Variants in ATP10B observed in about 807,000 individuals in gnomAD.
The protein encoded by ATP10B is ATPase phospholipid transporting 10B (putative).
Under a neutral mutation model 141.2 loss-of-function variants are expected in ATP10B, and 122 were observed. The ratio of observed to expected loss-of-function variants is 0.86; its 90% CI spans 0.75 to 1.00. The LOEUF is 1.00. Ranked by LOEUF, ATP10B falls within the 50% of genes least tolerant of loss-of-function variation. ATP10B has a pLI of 0.00. For missense variants in ATP10B, 1,876 were observed against 1,825.3 expected, an observed-to-expected ratio of 1.03 and a Z score of -0.51; for synonymous variants, 685 against 692.0, an observed-to-expected ratio of 0.99 and a Z score of 0.16.
the ATP10B span, among the ~76,000 whole-genome samples, chr5:160,878,655 C>A: frequency 6.6e-6 from 1 of 152,168 alleles, no homozygotes; most frequent in African/African-American, 2.4e-5. Context: ...GGGCTAATAT[C>A]CACAATCTAC....
At chr5:160,659,135 G>T (rs1332316670) in intron 7 of ATP10B, among the ~76,000 whole-genome samples, 1 of 152,130 alleles carries the variant, frequency 6.6e-6, no homozygotes, top group Non-Finnish European at 1.5e-5. Context: ...AATACCTTAG[G>T]CTATCATCCA....
In ATP10B at chr5:160,563,353, A is replaced by T. The variant is rs898771929; in HGVS notation, c.*2100T>A. The T allele has an allele frequency of 3.3e-5, 5 of 152,170 alleles. No homozygotes were observed. The highest frequency in any genetic ancestry group is 6.5e-5 in the Admixed American group (1 of 15,278). The allele number at this position is 152,170 out of a possible 1,614,324, so 9.4% of individuals were successfully genotyped here. ...GTTGTACCAGTTGCTCCAGTTTCCT[A>T]GGATTTGGGACTCTGTAAAAATGAG... On this transcript the variant is annotated 3_prime_UTR_variant, in exon 26 of 26. Transcript: ENST00000327245.
intron 3 of ATP10B, among the ~76,000 whole-genome samples, chr5:160,697,166 T>C (rs1490225211): frequency 6.6e-6 from 1 of 152,230 alleles, no homozygotes; most frequent in Non-Finnish European, 1.5e-5. Flanking sequence ...ATTAAATTGA[T>C]GACATTTTAG....
At chr5:160,766,926 T>C (rs1010756025) in intron 2 of ATP10B, among the ~76,000 whole-genome samples, 1 of 152,176 alleles carries the variant, frequency 6.6e-6, no homozygotes, top group African/African-American at 2.4e-5. Flanking sequence ...TCAAGGCAGC[T>C]GCAGTTTGAC....
the ATP10B span, among the ~76,000 whole-genome samples, chr5:160,886,273 TGGGG>T: frequency 6.6e-6 from 1 of 152,160 alleles, no homozygotes; most frequent in African/African-American, 2.4e-5. Flanking sequence ...ATTTCAACCT[TGGGG>T]TTATTTAGGG....
intron 6 of ATP10B, among the ~76,000 whole-genome samples, chr5:160,681,637 C>CA (rs1283398935): frequency 6.6e-6 from 1 of 151,966 alleles, no homozygotes; most frequent in Non-Finnish European, 1.5e-5. Flanking sequence ...AAAGCATCAA[C>CA]AAAAAAAGAA....
intron 2 of ATP10B, among the ~76,000 whole-genome samples, chr5:160,770,986 C>A (rs1214142372): frequency 6.6e-6 from 1 of 152,158 alleles, no homozygotes; most frequent in Non-Finnish European, 1.5e-5. Flanking sequence ...TTTCTCACCA[C>A]CCTCAAAAGT....
the ATP10B span, among the ~76,000 whole-genome samples, chr5:160,876,595 A>G: frequency 1.3e-3 from 190 of 150,680 alleles, no homozygotes; most frequent in Middle Eastern, 3.4e-3. Flanking sequence ...ATGAATCCAG[A>G]AGCTGGTTTT....
At chr5:160,822,054 A>T (rs1253545251) in intron 1 of ATP10B, among the ~76,000 whole-genome samples, 1 of 152,198 alleles carries the variant, frequency 6.6e-6, no homozygotes, top group Admixed American at 6.5e-5. Flanking sequence ...CAAAGGAAAC[A>T]ATCAACAAAG....
intron 22 of ATP10B, among the ~76,000 whole-genome samples, chr5:160,597,114 T>G (rs992292789): frequency 7.2e-5 from 11 of 152,188 alleles, no homozygotes; most frequent in African/African-American, 2.7e-4. Context: ...AGAACAAAGC[T>G]GGAGGCACCA....
At chr5:160,883,258 A>G in the ATP10B span, among the ~76,000 whole-genome samples, 3 of 152,214 alleles carry the variant, frequency 2.0e-5, no homozygotes, top group African/African-American at 2.4e-5. Context: ...TACTGTTCCC[A>G]AGAGTCTTTA....
At chr5:160,831,277 C>A (rs2127976901) in intron 1 of ATP10B, among the ~76,000 whole-genome samples, 1 of 152,134 alleles carries the variant, frequency 6.6e-6, no homozygotes, top group African/African-American at 2.4e-5. Flanking sequence ...AATGGTGACT[C>A]TACCTAGCAT....
At chr5:160,735,108 A>C (rs974945325) in intron 2 of ATP10B, among the ~76,000 whole-genome samples, 3 of 151,522 alleles carry the variant, frequency 2.0e-5, no homozygotes, top group African/African-American at 4.8e-5. Flanking sequence ...AAAAAAAAAA[A>C]AACACCGGAA....
At chr5:160,580,009 A>AT (rs1755443782) in intron 24 of ATP10B, among the ~76,000 whole-genome samples, 1 of 152,142 alleles carries the variant, frequency 6.6e-6, no homozygotes, top group African/African-American at 2.4e-5. Context: ...TTGTACATTG[A>AT]TTTTGTATCC....
intron 1 of ATP10B, among the ~76,000 whole-genome samples, chr5:160,828,265 G>C (rs1018888122): frequency 2.0e-5 from 3 of 152,014 alleles, no homozygotes; most frequent in Non-Finnish European, 2.9e-5. Context: ...CCATCAGAGT[G>C]AACAGGCAAC....
chr5:160,618,509 C>T (rs982414997), intron 15 of ATP10B, among the ~76,000 whole-genome samples: 3 of 152,198 alleles, frequency 2.0e-5, no homozygotes, highest in Non-Finnish European at 4.4e-5. Context: ...CTAAGTTCCT[C>T]ATTTCATTTG....
chr5:160,634,380 C>T lies in ATP10B; in HGVS notation c.1355G>A (p.Gly452Asp). 1 of 1,614,148 alleles carries T rather than the reference C, an allele frequency of 6.2e-7. No homozygotes were observed. Among genetic ancestry groups the T allele is most frequent in the Non-Finnish European group, 8.5e-7 (1 of 1,180,022 alleles). The change falls in exon 12 of 26, where the codon GGC becomes GAC. Residue 452 changes from glycine (G) to aspartate (D), a missense_variant. By Grantham distance (94) the Gly-to-Asp change is moderately conservative (BLOSUM62 -1). Coordinates refer to ENST00000327245, the MANE Select transcript of ATP10B (RefSeq NM_025153.3). ...ATTTTCTTGGTGAGAATACTCGCTG[C>T]CCATGATGGTGCAACGTCGGAACAC... ...KMVFRRCTIM[G>D]SEYSHQENAK...
chr5:160,777,743 C>T (rs1770438937), intron 2 of ATP10B, among the ~76,000 whole-genome samples: 2 of 152,108 alleles, frequency 1.3e-5, no homozygotes, highest in African/African-American at 2.4e-5. Context: ...CGAAACAATT[C>T]TCTAGAGGAT....
chr5:160,653,349 G>A (rs1459274856), intron 7 of ATP10B, among the ~76,000 whole-genome samples: 1 of 95,246 alleles, frequency 1.0e-5, no homozygotes, highest in Non-Finnish European at 2.0e-5. Flanking sequence ...ACATACATAG[G>A]TAGTATATAT....
Sources: gnomAD v4.1 joint callset for allele counts (sites outside exome capture counted in the v4.1 genomes callset) on GRCh38, gnomAD v4.1.1 for gene constraint, MANE v1.5 for transcripts, NCBI Gene and HGNC (gene_info 2026-07-23, HGNC 2026-07-21) for gene names.